Variants in RBFOX1 observed in about 807,000 individuals in gnomAD.
The protein encoded by RBFOX1 is RNA binding protein fox-1 homolog 1.
In RBFOX1, 8 loss-of-function variants were observed where a neutral mutation model predicts 57.7. The observed-to-expected ratio is 0.14, with a 90% CI of 0.08 to 0.25. RBFOX1 has a LOEUF of 0.25. RBFOX1 is among the 10% of genes least tolerant of loss of function. The pLI is 1.00. For missense variants in RBFOX1, 611 were observed against 548.5 expected (o/e 1.11, Z -1.14); for synonymous variants, 326 against 222.4 (o/e 1.47, Z -4.15).
intron 4 of RBFOX1, among the ~76,000 whole-genome samples, chr16:7,085,611 T>G (rs888044052): frequency 9.9e-5 from 15 of 151,892 alleles, no homozygotes; most frequent in African/African-American, 2.7e-4. Context: ...TTTTAAAGAG[T>G]AGGGTGCTTA....
intron 13 of RBFOX1, among the ~76,000 whole-genome samples, chr16:7,668,313 T>C (rs1363938187): frequency 2.0e-5 from 3 of 152,128 alleles, no homozygotes; most frequent in African/African-American, 7.2e-5. Context: ...ACCTCTTCTC[T>C]CAAATGACCT....
At chr16:6,792,531 A>G (rs865923277) in intron 3 of RBFOX1, among the ~76,000 whole-genome samples, 4 of 152,152 alleles carry the variant, frequency 2.6e-5, no homozygotes, top group Non-Finnish European at 5.9e-5. Flanking sequence ...ATTTCATATA[A>G]AGGTTAAAAA....
intron 3 of RBFOX1, among the ~76,000 whole-genome samples, chr16:6,746,423 T>C (rs908641634): frequency 6.6e-6 from 1 of 152,166 alleles, no homozygotes; most frequent in African/African-American, 2.4e-5. Flanking sequence ...ACACCTGTAA[T>C]CTCAGCACTA....
chr16:5,784,300 G>A (rs960871647), intron 3 of RBFOX1, among the ~76,000 whole-genome samples: 2 of 152,142 alleles, frequency 1.3e-5, no homozygotes, highest in African/African-American at 2.4e-5. Context: ...GGTGGCTGGC[G>A]CCTGTAGTCC....
chr16:6,108,676 G>C lies in RBFOX1; in HGVS notation c.-127+88684G>C, dbSNP rs568548840. The stretch of plus-strand genomic sequence containing the variant: ...GATGACAGAACTCTGAAGTCACATA[G>C]AGGTGCTACTGGGCCTATCTCCTTC... On this transcript the variant is annotated intron_variant, in intron 1 of 15. Transcript: ENST00000550418. Among the ~76,000 whole-genome samples the C allele has an allele frequency of 7.2e-5, 11 of 152,238 alleles. No individual in the cohort carries two copies. In the South Asian group the frequency reaches 2.3e-3, roughly 32 times the overall value.
At chr16:6,770,535 C>G (rs908048874) in intron 3 of RBFOX1, among the ~76,000 whole-genome samples, 1 of 152,084 alleles carries the variant, frequency 6.6e-6, no homozygotes, top group Non-Finnish European at 1.5e-5. Context: ...TCTTTCTGCC[C>G]CTTTACGGAA....
At chr16:7,105,221 G>A (rs1018824273) in intron 4 of RBFOX1, among the ~76,000 whole-genome samples, 11 of 151,542 alleles carry the variant, frequency 7.3e-5, no homozygotes. Context: ...AGATTGGCCA[G>A]GTCTGGGTCA....
chr16:6,526,453 G>A (rs182629374), intron 2 of RBFOX1, among the ~76,000 whole-genome samples: 17 of 152,196 alleles, frequency 1.1e-4, no homozygotes, highest in East Asian at 3.9e-4. Flanking sequence ...TGTAGAAGGC[G>A]GTCATTCATG....
intron 3 of RBFOX1, among the ~76,000 whole-genome samples, chr16:6,756,617 A>G (rs957799094): frequency 6.6e-6 from 1 of 152,024 alleles, no homozygotes; most frequent in East Asian, 1.9e-4. Flanking sequence ...CTCCATAGCA[A>G]TAATAATAAT....
chr16:6,069,652 G>A (rs2095811380), intron 1 of RBFOX1, among the ~76,000 whole-genome samples: 1 of 152,122 alleles, frequency 6.6e-6, no homozygotes, highest in South Asian at 2.1e-4. Context: ...ACATTTCACT[G>A]CAATAATGAA....
chr16:7,648,728 T>A (rs2064284627), intron 11 of RBFOX1, among the ~76,000 whole-genome samples: 10 of 152,178 alleles, frequency 6.6e-5, no homozygotes, highest in Admixed American at 6.5e-4. Flanking sequence ...CTTTAATAGG[T>A]GTTACCTGTC....
At chr16:5,834,720 T>A (rs1440163657) in intron 3 of RBFOX1, among the ~76,000 whole-genome samples, 1 of 134,764 alleles carries the variant, frequency 7.4e-6, no homozygotes, top group Admixed American at 7.4e-5. Flanking sequence ...GATAGATACA[T>A]AGATACATAG....
At chr16:6,256,012 C>A (rs1260075484) in intron 1 of RBFOX1, among the ~76,000 whole-genome samples, 1 of 150,426 alleles carries the variant, frequency 6.6e-6, no homozygotes, top group Non-Finnish European at 1.5e-5. Flanking sequence ...ATCTATGTAA[C>A]CTGCACATTC....
intron 4 of RBFOX1, among the ~76,000 whole-genome samples, chr16:5,909,186 G>A (rs931575897): frequency 1.4e-5 from 2 of 141,262 alleles, no homozygotes; most frequent in African/African-American, 5.3e-5. Flanking sequence ...TCCGCCTCCC[G>A]GGTTCACGCC....
intron 1 of RBFOX1, among the ~76,000 whole-genome samples, chr16:6,059,504 C>T (rs183785091): frequency 6.6e-6 from 1 of 152,182 alleles, no homozygotes; most frequent in East Asian, 1.9e-4. Context: ...TCTATTTACT[C>T]TGTATATTTA....
intron 4 of RBFOX1, among the ~76,000 whole-genome samples, chr16:5,915,818 C>T (rs1052526182): frequency 2.0e-5 from 3 of 150,968 alleles, no homozygotes; most frequent in East Asian, 1.9e-4. Context: ...GGTGACAGGG[C>T]GAGACTCAGT....
intron 13 of RBFOX1, among the ~76,000 whole-genome samples, chr16:7,674,482 A>C (rs571317910): frequency 7.3e-4 from 111 of 152,312 alleles, no homozygotes; most frequent in Non-Finnish European, 1.4e-3. Context: ...CCACTGATCA[A>C]GGTTTAAAAT....
rs188806313 is a variant in RBFOX1 at position 6,881,725 on chromosome 16, C to A, written c.-15-170332C>A. ...CGTTGAATTTGCGGGGACAATTTAA[C>A]ACATCACACTGGGTGCCTACCATGA... On this transcript the variant is annotated intron_variant, in intron 3 of 15. Transcript: ENST00000550418. 3.4e-4 allele frequency among the ~76,000 whole-genome samples: 52 copies of A among 152,250 alleles called. 2 individuals carry two copies. In the East Asian group the frequency reaches 9.7e-3, roughly 28 times the overall value.
chr16:5,968,810 T>G (rs974959230), intron 4 of RBFOX1, among the ~76,000 whole-genome samples: 2 of 152,120 alleles, frequency 1.3e-5, no homozygotes, highest in African/African-American at 4.8e-5. Flanking sequence ...TCTCTTGTTT[T>G]CTCTTTCTTT....
Sources: allele counts gnomAD v4.1 joint callset (sites outside exome capture counted in the v4.1 genomes callset), GRCh38; gene constraint gnomAD v4.1.1; transcripts MANE v1.5; gene names NCBI Gene and HGNC (gene_info 2026-07-23, HGNC 2026-07-21).